The following TAFA2 variants were observed in gnomAD, a reference collection of about 807,000 sequenced individuals.
TAFA2 encodes chemokine-like protein TAFA-2.
TAFA2 carries 7 observed loss-of-function variants against 18.8 expected under a neutral mutation model. That is an observed-to-expected ratio of 0.37 (90% CI 0.21 to 0.70). The LOEUF (loss-of-function observed/expected upper bound fraction) is 0.70, where lower values mean the gene tolerates loss of function less well. TAFA2 is among the 30% of genes least tolerant of loss of function. The pLI is 0.53. For missense variants in TAFA2, 122 were observed against 158.1 expected, an observed-to-expected ratio of 0.77 and a Z score of 1.23; for synonymous variants, 60 against 54.2, an observed-to-expected ratio of 1.11 and a Z score of -0.47.
chr12:61,947,860 C>T (rs1385782560), intron 1 of TAFA2, among the ~76,000 whole-genome samples: 1 of 152,082 alleles, frequency 6.6e-6, no homozygotes, highest in South Asian at 2.1e-4. Context: ...AATCCTGAAA[C>T]AGTAAGCCTC....
chr12:61,901,259 CTTTTTTT>C (rs1203233805), intron 1 of TAFA2, among the ~76,000 whole-genome samples: 1 of 10,898 alleles, frequency 9.2e-5, no homozygotes, highest in South Asian at 2.1e-3. Flanking sequence ...TTCAATTTCA[CTTTTTTT>C]TTTTTTTTTT....
intron 1 of TAFA2, among the ~76,000 whole-genome samples, chr12:61,896,819 T>C (rs141649290): frequency 8.7e-4 from 132 of 152,256 alleles, no homozygotes; most frequent in African/African-American, 3.0e-3. Flanking sequence ...ACCTAAATTT[T>C]TAAAAACAGA....
At position 62,163,336 on chromosome 12, in the gene TAFA2, C is replaced by G. The variant is rs76964708; in HGVS notation, c.-2+27923G>C. ...AAACACGAATCACAACTTTCCATTG[C>G]TCTTAGGAGCTGGGTTTTTGTTTTT... On this transcript the variant is annotated intron_variant, in intron 1 of 4. Transcript: ENST00000416284. Among the ~76,000 whole-genome samples the G allele has an allele frequency of 2.6e-3, 402 of 152,200 alleles. 11 individuals carry two copies. In the East Asian group the frequency reaches 0.041, roughly 16 times the overall value.
At chr12:62,194,788 T>G (rs1306666083), upstream of TAFA2, among the ~76,000 whole-genome samples, 2 of 152,226 alleles carry the variant, frequency 1.3e-5, no homozygotes, top group Non-Finnish European at 2.9e-5. Context: ...GTTGCAGGTT[T>G]GGTTCCAAAC....
At chr12:61,759,083 C>A (rs1218354399) in intron 2 of TAFA2, among the ~76,000 whole-genome samples, 1 of 151,972 alleles carries the variant, frequency 6.6e-6, no homozygotes, top group Non-Finnish European at 1.5e-5. Context: ...GGCCAGCTTC[C>A]TTCTGTATTT....
intron 1 of TAFA2, among the ~76,000 whole-genome samples, chr12:62,074,800 C>T (rs144333200): frequency 0.015 from 2,318 of 149,548 alleles, 25 homozygotes; most frequent in Non-Finnish European, 0.024. Context: ...TTCCTATGTT[C>T]AAGCAATTCT....
chr12:61,911,145 GA>G (rs1164330322), intron 1 of TAFA2, among the ~76,000 whole-genome samples: 1 of 152,094 alleles, frequency 6.6e-6, no homozygotes, highest in African/African-American at 2.4e-5. Context: ...AGATCAGATT[GA>G]AAAGCATTTT....
At chr12:62,057,288 T>A (rs1882212391) in intron 1 of TAFA2, among the ~76,000 whole-genome samples, 1 of 152,184 alleles carries the variant, frequency 6.6e-6, no homozygotes, top group South Asian at 2.1e-4. Flanking sequence ...TCTGATCTTG[T>A]TAATATCTCA....
chr12:62,050,380 C>T (rs1306957886), intron 1 of TAFA2, among the ~76,000 whole-genome samples: 1 of 151,994 alleles, frequency 6.6e-6, no homozygotes, highest in African/African-American at 2.4e-5. Context: ...ACCATCCTGG[C>T]TAACACGGTG....
chr12:62,076,303 T>C (rs1868248568), intron 1 of TAFA2, among the ~76,000 whole-genome samples: 1 of 152,180 alleles, frequency 6.6e-6, no homozygotes, highest in Admixed American at 6.5e-5. Flanking sequence ...AGAAAAAGCC[T>C]CCAGATTATC....
intron 2 of TAFA2, among the ~76,000 whole-genome samples, chr12:61,760,068 C>T (rs1592370706): frequency 9.1e-6 from 1 of 109,842 alleles, no homozygotes; most frequent in African/African-American, 3.6e-5. Flanking sequence ...GGCTTTCCTG[C>T]CCAGTGCTTT....
chr12:61,844,270 T>C (rs187622922), intron 2 of TAFA2, among the ~76,000 whole-genome samples: 233 of 152,258 alleles, frequency 1.5e-3, no homozygotes, highest in African/African-American at 5.2e-3. Flanking sequence ...TTGAATAAGA[T>C]TGACATATTT....
intron 2 of TAFA2, among the ~76,000 whole-genome samples, chr12:61,771,596 A>T (rs1433706979): frequency 6.6e-6 from 1 of 152,084 alleles, no homozygotes. Flanking sequence ...TTATGCAAAT[A>T]CATGGAAATT....
At chr12:61,744,946 A>G (rs1868631249) in intron 4 of TAFA2, among the ~76,000 whole-genome samples, 1 of 152,102 alleles carries the variant, frequency 6.6e-6, no homozygotes, top group African/African-American at 2.4e-5. Flanking sequence ...TTGCCTTAAT[A>G]TATTAATCCA....
intron 1 of TAFA2, among the ~76,000 whole-genome samples, chr12:61,995,483 G>A (rs1228675020): frequency 6.6e-6 from 1 of 151,960 alleles, no homozygotes; most frequent in Non-Finnish European, 1.5e-5. Flanking sequence ...GTTTGTTTTG[G>A]GTTTTTATTT....
chr12:61,874,547 G>A (rs959309459), intron 1 of TAFA2, among the ~76,000 whole-genome samples: 1 of 152,022 alleles, frequency 6.6e-6, no homozygotes, highest in Non-Finnish European at 1.5e-5. Flanking sequence ...CTGCAATTCT[G>A]GTGGGCACAA....
chr12:61,913,543 G>A lies in TAFA2; in HGVS notation c.-1-46117C>T, dbSNP rs374331913. ...GACTATGATTCTGGCCTCAGTCTAT[G>A]GGTCATGTTCCTCTCTATTTTATAG... On this transcript the variant is annotated intron_variant, in intron 1 of 4. Coordinates refer to ENST00000416284, the MANE Select transcript of TAFA2 (RefSeq NM_178539.5). 1.1e-4 allele frequency among the ~76,000 whole-genome samples: 17 copies of A among 152,292 alleles called. 1 individual carries two copies. The highest frequency in any genetic ancestry group is 3.3e-4 in the Admixed American group (5 of 15,290).
intron 4 of TAFA2, among the ~76,000 whole-genome samples, chr12:61,753,204 A>G (rs1366084159): frequency 6.6e-6 from 1 of 152,112 alleles, no homozygotes; most frequent in East Asian, 1.9e-4. Flanking sequence ...CTTTCATAAA[A>G]CTAAAAGAAT....
At chr12:61,833,055 AATAAATATATATACATAT>A (rs1872777753) in intron 2 of TAFA2, among the ~76,000 whole-genome samples, 2 of 146,962 alleles carry the variant, frequency 1.4e-5, no homozygotes, top group Admixed American at 1.4e-4. Context: ...ATAATGTATA[AATAAATATATATACATAT>A]ATAAATATAT....
Sources: gnomAD v4.1 joint callset for allele counts (sites outside exome capture counted in the v4.1 genomes callset) on GRCh38, gnomAD v4.1.1 for gene constraint, MANE v1.5 for transcripts, NCBI Gene and HGNC (gene_info 2026-07-23, HGNC 2026-07-21) for gene names.